The following SLC16A10 variants were observed in gnomAD, a reference collection of about 807,000 sequenced individuals.
SLC16A10 encodes monocarboxylate transporter 10.
A neutral mutation model predicts 40.0 loss-of-function variants in SLC16A10; 27 were observed. The ratio of observed to expected loss-of-function variants is 0.67; its 90% CI spans 0.50 to 0.93. SLC16A10 has a LOEUF of 0.93. Among genes scored for constraint, SLC16A10 ranks in the 40% least tolerant of loss-of-function variants. The pLI, the probability that SLC16A10 is intolerant of heterozygous loss-of-function variation, is 0.00. For synonymous variants in SLC16A10, 213 were observed against 249.8 expected, an observed-to-expected ratio of 0.85 and a Z score of 1.39; for missense variants, 529 against 658.2, an observed-to-expected ratio of 0.80 and a Z score of 2.15.
chr6:111,153,520 C>T (rs559411539), intron 1 of SLC16A10, among the ~76,000 whole-genome samples: 1 of 147,708 alleles, frequency 6.8e-6, no homozygotes, highest in Non-Finnish European at 1.5e-5. Flanking sequence ...GGCAACAGAG[C>T]GAGACCCTGT....
chr6:111,092,056 A>G (rs189007009), intron 1 of SLC16A10, among the ~76,000 whole-genome samples: 3 of 151,790 alleles, frequency 2.0e-5, no homozygotes, highest in African/African-American at 7.2e-5. Context: ...TCATTTCAAC[A>G]GGTGGTGGGG....
At chr6:111,105,606 G>A (rs1471089395) in intron 1 of SLC16A10, among the ~76,000 whole-genome samples, 1 of 152,206 alleles carries the variant, frequency 6.6e-6, no homozygotes, top group Admixed American at 6.5e-5. Flanking sequence ...CCACACACAA[G>A]TGTGTTTTGC....
chr6:111,153,829 A>G (rs1772220860), intron 1 of SLC16A10, among the ~76,000 whole-genome samples: 1 of 152,236 alleles, frequency 6.6e-6, no homozygotes, highest in South Asian at 2.1e-4. Context: ...TTACAAAGAT[A>G]AGATGCTTGC....
intron 1 of SLC16A10, among the ~76,000 whole-genome samples, chr6:111,113,290 A>G (rs1771422969): frequency 6.6e-6 from 1 of 152,192 alleles, no homozygotes; most frequent in African/African-American, 2.4e-5. Context: ...GTAGTACAAT[A>G]TTTAATACAC....
intron 1 of SLC16A10, among the ~76,000 whole-genome samples, chr6:111,140,383 A>G (rs1771960244): frequency 6.6e-6 from 1 of 152,070 alleles, no homozygotes; most frequent in Non-Finnish European, 1.5e-5. Context: ...GGATGGCTTG[A>G]GCCCAGGAGG....
intron 3 of SLC16A10, among the ~76,000 whole-genome samples, chr6:111,179,987 G>T (rs1772759906): frequency 6.6e-6 from 1 of 152,190 alleles, no homozygotes; most frequent in Admixed American, 6.5e-5. Flanking sequence ...ACAGGGAAAA[G>T]GTGTCTCATA....
chr6:111,201,126 C>G (rs1773161802), intron 3 of SLC16A10, among the ~76,000 whole-genome samples: 1 of 152,152 alleles, frequency 6.6e-6, no homozygotes, highest in East Asian at 1.9e-4. Context: ...AATGAGTGTA[C>G]ATGCCTAGCC....
At chr6:111,158,100 G>A (rs1030303384) in intron 1 of SLC16A10, among the ~76,000 whole-genome samples, 3 of 152,058 alleles carry the variant, frequency 2.0e-5, no homozygotes, top group Non-Finnish European at 2.9e-5. Flanking sequence ...ATAATATAAT[G>A]TGAAGAGAAG....
rs139687328 is a variant in SLC16A10, at chr6:111,220,954, A to G, written c.1316-1049A>G. Reference sequence around the variant, plus strand: ...GTTCATAAGGAGGAAGAGTTCAGGAATGGTCTGATTCCAAAGATAGAAAAC... The same window carrying G: ...GTTCATAAGGAGGAAGAGTTCAGGAGTGGTCTGATTCCAAAGATAGAAAAC... On this transcript the variant is annotated intron_variant, in intron 5 of 5. Coordinates refer to ENST00000368851, the MANE Select transcript of SLC16A10 (RefSeq NM_018593.5). Among the ~76,000 whole-genome samples the G allele has an allele frequency of 4.6e-5, 7 of 152,340 alleles. No homozygotes were observed. In the East Asian group the frequency reaches 1.3e-3, roughly 29 times the overall value.
intron 1 of SLC16A10, among the ~76,000 whole-genome samples, chr6:111,165,124 G>T (rs1174547341): frequency 1.3e-5 from 2 of 152,196 alleles, no homozygotes; most frequent in Non-Finnish European, 2.9e-5. Flanking sequence ...CTGACCTCAG[G>T]ATGGAGCCCT....
At chr6:111,121,706 A>G (rs1432362947) in intron 1 of SLC16A10, among the ~76,000 whole-genome samples, 1 of 151,990 alleles carries the variant, frequency 6.6e-6, no homozygotes, top group Non-Finnish European at 1.5e-5. Context: ...TTTTTTTTCC[A>G]TGTTATAGCA....
chr6:111,114,186 G>A (rs1283586612), intron 1 of SLC16A10, among the ~76,000 whole-genome samples: 1 of 152,052 alleles, frequency 6.6e-6, no homozygotes, highest in Non-Finnish European at 1.5e-5. Flanking sequence ...AGCAAGCATA[G>A]GACTTCTGTC....
At chr6:111,098,186 A>G (rs576745047) in intron 1 of SLC16A10, among the ~76,000 whole-genome samples, 2,015 of 151,998 alleles carry the variant, frequency 0.013, no homozygotes, top group African/African-American at 0.047. Context: ...CATGCCTGTA[A>G]TCTCAGCTAC....
intron 4 of SLC16A10, among the ~76,000 whole-genome samples, chr6:111,215,885 C>G (rs1435277300): frequency 6.6e-6 from 1 of 152,078 alleles, no homozygotes; most frequent in Admixed American, 6.5e-5. Context: ...GTCCCAGCTA[C>G]TTGGGAGACT....
chr6:111,173,164 T>C (rs1021893514), intron 2 of SLC16A10, among the ~76,000 whole-genome samples: 1 of 152,216 alleles, frequency 6.6e-6, no homozygotes, highest in Non-Finnish European at 1.5e-5. Flanking sequence ...CAATGATTTA[T>C]CTAAAACAGC....
chr6:111,100,988 CTCTCTATATATATATATA>C (rs1196986560), intron 1 of SLC16A10, among the ~76,000 whole-genome samples: 1 of 77,676 alleles, frequency 1.3e-5, no homozygotes, highest in African/African-American at 5.7e-5. Context: ...CTCTCTCTCT[CTCTCTATATATATATATA>C]TATATATATA....
chr6:111,180,086 A>G (rs1459026246), intron 3 of SLC16A10, among the ~76,000 whole-genome samples: 1 of 152,230 alleles, frequency 6.6e-6, no homozygotes, highest in African/African-American at 2.4e-5. Context: ...GAGACGTAAA[A>G]ATTTGCTCTG....
rs1461785595 is a variant in SLC16A10, at chr6:111,118,419, C to T, written c.343+30324C>T. Among the ~76,000 whole-genome samples, 5 of 152,234 alleles carry T rather than the reference C, an allele frequency of 3.3e-5. No homozygotes were observed. In the South Asian group the frequency reaches 6.2e-4, roughly 19 times the overall value. ...ATTATTGGCTGGGTGTGGTGGCTCA[C>T]GCCTGTAATCCCAGAACTTTGGGAG... On this transcript the variant is annotated intron_variant, in intron 1 of 5. Transcript: ENST00000368851.
chr6:111,097,428 C>T (rs922074177), intron 1 of SLC16A10, among the ~76,000 whole-genome samples: 5 of 152,082 alleles, frequency 3.3e-5, no homozygotes, highest in Non-Finnish European at 7.4e-5. Context: ...TTTCGTGTCC[C>T]AGCCTCCAGA....
Sources: gnomAD v4.1 joint callset for allele counts (sites outside exome capture counted in the v4.1 genomes callset) on GRCh38, gnomAD v4.1.1 for gene constraint, MANE v1.5 for transcripts, NCBI Gene and HGNC (gene_info 2026-07-23, HGNC 2026-07-21) for gene names.